The following TMEM209 variants were observed in gnomAD, a reference collection of about 807,000 sequenced individuals.
TMEM209 encodes the protein transmembrane protein 209.
In TMEM209, 65 loss-of-function variants were observed where a neutral mutation model predicts 76.2. The observed-to-expected ratio is 0.85, with a 90% CI of 0.70 to 1.05. The LOEUF is 1.05. TMEM209 is among the 50% of genes least tolerant of loss of function. TMEM209 has a pLI of 0.00. For missense variants in TMEM209, 623 were observed against 685.5 expected, an observed-to-expected ratio of 0.91 and a Z score of 1.02; for synonymous variants, 239 against 237.6, an observed-to-expected ratio of 1.01 and a Z score of -0.06.
At chr7:130,200,835 T>C (rs1798163394) in intron 5 of TMEM209, among the ~76,000 whole-genome samples, 2 of 151,676 alleles carry the variant, frequency 1.3e-5, no homozygotes, top group African/African-American at 2.4e-5. Context: ...TACAAAGAAA[T>C]GTGTAAATGT....
rs543722651 is a variant in TMEM209, at chr7:130,168,816, G to A, written c.1631+1584C>T. On this transcript the variant is annotated intron_variant, in intron 14 of 14. Coordinates refer to ENST00000397622, the MANE Select transcript of TMEM209 (RefSeq NM_032842.4). ...AATTAGTTCTAGTTTATACACTGCT[G>A]TGTTATTTAAATACTTATCTACTGA... 1.7e-4 allele frequency among the ~76,000 whole-genome samples: 26 copies of A among 152,252 alleles called. No homozygotes were observed. The South Asian group carries it at 5.4e-3, about 32-fold the overall frequency.
chr7:130,175,408 G>T, intron 11 of TMEM209, 104 bp downstream of exon 11: 1 of 1,041,888 alleles, frequency 9.6e-7, no homozygotes, highest in Non-Finnish European at 1.4e-6. Flanking sequence ...GCTGCAGTGA[G>T]ACGTGACTGT....
intron 10 of TMEM209, among the ~76,000 whole-genome samples, 162 bp downstream of exon 10, chr7:130,178,240 T>C (rs1359566223): frequency 6.6e-6 from 1 of 152,190 alleles, no homozygotes; most frequent in African/African-American, 2.4e-5. Context: ...TTAGCTCATA[T>C]TTAAGTTTCC....
chr7:130,172,816 T>C (rs930028176), intron 13 of TMEM209, among the ~76,000 whole-genome samples: 33 of 151,740 alleles, frequency 2.2e-4, no homozygotes, highest in African/African-American at 6.8e-4. Flanking sequence ...CTGGCCAACA[T>C]GGTGAAACCC....
In TMEM209 at chr7:130,205,376, G is replaced by C; in HGVS notation, c.-1C>G. ...AAACACGACCCCGAAAACGCACCAT[G>C]TCCTCTGGCCGGAAAACGCAGGCTC... On this transcript the variant is annotated 5_prime_UTR_variant, in exon 1 of 15. Coordinates refer to ENST00000397622, the MANE Select transcript of TMEM209 (RefSeq NM_032842.4). The C allele has an allele frequency of 1.2e-6, 2 of 1,613,930 alleles. No individual in the cohort carries two copies. The highest frequency in any genetic ancestry group is 1.3e-5 in the African/African-American group (1 of 75,054).
intron 10 of TMEM209, among the ~76,000 whole-genome samples, chr7:130,177,927 T>C (rs956616229): frequency 6.6e-6 from 1 of 152,210 alleles, no homozygotes; most frequent in Admixed American, 6.5e-5. Flanking sequence ...TTAAAAAGTT[T>C]ATCCAAATTT....
chr7:130,180,189 A>C (rs1797363315), intron 9 of TMEM209, among the ~76,000 whole-genome samples: 1 of 152,150 alleles, frequency 6.6e-6, no homozygotes, highest in South Asian at 2.1e-4. Context: ...AGCAGATAAG[A>C]GAGTTGAAAA....
chr7:130,196,226 T>A (rs376946638), intron 5 of TMEM209, among the ~76,000 whole-genome samples: 3 of 152,086 alleles, frequency 2.0e-5, no homozygotes, highest in South Asian at 2.1e-4. Context: ...AACTCAATAA[T>A]AAAACTTAAG....
intron 5 of TMEM209, among the ~76,000 whole-genome samples, chr7:130,198,336 C>T (rs1852653): frequency 0.15 from 23,029 of 151,992 alleles, 2,360 homozygotes; most frequent in Middle Eastern, 0.23. Flanking sequence ...ATGGGTAGGG[C>T]GAGGTGGCTC....
intron 5 of TMEM209, among the ~76,000 whole-genome samples, chr7:130,197,183 C>T (rs1798015442): frequency 6.6e-6 from 1 of 152,178 alleles, no homozygotes; most frequent in Non-Finnish European, 1.5e-5. Context: ...GCTGTACAGC[C>T]ATGTACACTG....
intron 5 of TMEM209, among the ~76,000 whole-genome samples, chr7:130,201,029 CAGTGAGCTGAGATCACGCCA>C (rs1798175713): frequency 8.4e-6 from 1 of 119,054 alleles, no homozygotes; most frequent in Admixed American, 1.2e-4. Context: ...GCGGAGTTTG[CAGTGAGCTGAGATCACGCCA>C]CTGCACTCCA....
chr7:130,203,601 T>C (rs1798300574), intron 3 of TMEM209, among the ~76,000 whole-genome samples, 187 bp downstream of exon 3: 1 of 152,258 alleles, frequency 6.6e-6, no homozygotes, highest in Non-Finnish European at 1.5e-5. Context: ...AATCTGATTG[T>C]CTAACAGAAT....
intron 5 of TMEM209, among the ~76,000 whole-genome samples, chr7:130,201,013 C>T (rs192914497): frequency 1.4e-3 from 204 of 143,144 alleles, no homozygotes; most frequent in African/African-American, 5.2e-3. Context: ...GGCATGAGCC[C>T]GGGAGGCGGA....
At chr7:130,202,501 C>A in intron 4 of TMEM209, 31 bp downstream of exon 4, 12 of 1,573,480 alleles carry the variant, frequency 7.6e-6, no homozygotes, top group South Asian at 1.2e-5. Flanking sequence ...CAACCTTTTC[C>A]CCACCTTTGC....
At position 130,203,997 on chromosome 7, in the gene TMEM209, C is replaced by A. The variant is rs1237349127; in HGVS notation, c.117G>T (p.Met39Ile). The change falls in exon 2 of 15, where the codon ATG becomes ATT. Residue 39 changes from methionine to isoleucine, a missense_variant. Physicochemically the swap from Met to Ile is conservative, Grantham distance 10 (BLOSUM62 1). Coordinates refer to ENST00000397622, the MANE Select transcript of TMEM209 (RefSeq NM_032842.4). ...VLAWGLLNVS[M>I]AGMIYTEMTG... ...ACATTTCAGTATATATCATTCCAGC[C>A]ATAGATACATTTAGGAGTCCCCAGG... 6.2e-7 allele frequency: 1 copy of A among 1,613,530 alleles called. No homozygotes were observed. The highest frequency in any genetic ancestry group is 2.2e-5 in the East Asian group (1 of 44,882).
Position 130,184,218 on chromosome 7 carries a change from T to C in TMEM209, c.989A>G (p.Asp330Gly), listed in dbSNP as rs755027681. The C allele has an allele frequency of 9.9e-6, 16 of 1,608,314 alleles. No individual in the cohort carries two copies. In the South Asian group the frequency reaches 1.8e-4, roughly 18 times the overall value. ...TTTAGCTGTCCATGAATCCATATGA[T>C]CAAGAAGTTGTCTATTCATAGCCAC... Reference protein sequence around the residue: ...ARVAMNRQLLDHMDSWTAKFR... With the variant: ...ARVAMNRQLLGHMDSWTAKFR... Residue 330 changes from aspartate (D) to glycine (G), a missense_variant, in exon 8 of 15, where the codon GAT (aspartate) becomes GGT (glycine). By Grantham distance (94) the Asp-to-Gly change is moderately conservative. Transcript: ENST00000397622.
chr7:130,193,116 G>A (rs1283739188), intron 5 of TMEM209, among the ~76,000 whole-genome samples: 1 of 152,046 alleles, frequency 6.6e-6, no homozygotes, highest in Non-Finnish European at 1.5e-5. Context: ...GAAAACTTAC[G>A]GCCACACACA....
rs548537791 is a variant in TMEM209, at chr7:130,172,335, A to G, written c.1557+1297T>C. On this transcript the variant is annotated intron_variant, in intron 13 of 14. Coordinates refer to ENST00000397622, the MANE Select transcript of TMEM209 (RefSeq NM_032842.4). The stretch of plus-strand genomic sequence containing the variant: ...TGAAGATACATTTTCAGCAGTATTT[A>G]TTTATTTTATTTTATTTATTTTTTT... 6.6e-5 allele frequency among the ~76,000 whole-genome samples: 10 copies of G among 152,116 alleles called. No homozygotes were observed. In the South Asian group the frequency reaches 1.9e-3, roughly 28 times the overall value.
chr7:130,169,365 T>C (rs1199460423), intron 14 of TMEM209, among the ~76,000 whole-genome samples: 4 of 152,280 alleles, frequency 2.6e-5, no homozygotes, highest in South Asian at 2.1e-4. Context: ...GCCACATAAT[T>C]TTAAATTTTC....
Sources: allele counts gnomAD v4.1 joint callset (sites outside exome capture counted in the v4.1 genomes callset), GRCh38; gene constraint gnomAD v4.1.1; transcripts MANE v1.5; gene names NCBI Gene and HGNC (gene_info 2026-07-23, HGNC 2026-07-21).